GAS2: variants seen among roughly 807,000 people sequenced by gnomAD.
The protein encoded by GAS2 is growth arrest-specific protein 2.
Under a neutral mutation model 37.5 loss-of-function variants are expected in GAS2, and 20 were observed. The ratio of observed to expected loss-of-function variants is 0.53; its 90% CI spans 0.37 to 0.77. GAS2 has a LOEUF of 0.77. Ranked by LOEUF, GAS2 falls within the 30% of genes least tolerant of loss-of-function variation. The pLI, the probability that GAS2 is intolerant of heterozygous loss-of-function variation, is 0.00. For synonymous variants in GAS2, 144 were observed against 132.2 expected, an observed-to-expected ratio of 1.09 and a Z score of -0.61; for missense variants, 336 against 373.4, an observed-to-expected ratio of 0.90 and a Z score of 0.82.
chr11:22,647,934 C>T (rs1253127882), intron 1 of GAS2, among the ~76,000 whole-genome samples: 1 of 152,086 alleles, frequency 6.6e-6, no homozygotes, highest in African/African-American at 2.4e-5. Context: ...TTAATTAGAT[C>T]CCATTTGTCA....
chr11:22,724,741 A>T lies in GAS2; in HGVS notation c.268-1551A>T, dbSNP rs145001308. Among the ~76,000 whole-genome samples the T allele has an allele frequency of 3.3e-3, 506 of 152,194 alleles. 2 individuals are homozygous for T. The highest frequency in any genetic ancestry group is 0.011 in the African/African-American group (443 of 41,548). ...CTTTGATTATATCTATCCTAAATCA[A>T]ATTCGAGTTGCAACAAAGAGATGGA... On this transcript the variant is annotated intron_variant, in intron 3 of 7. Coordinates refer to ENST00000454584, the MANE Select transcript of GAS2 (RefSeq NM_001143830.3).
intron 7 of GAS2, among the ~76,000 whole-genome samples, chr11:22,765,374 A>G (rs1413618836): frequency 6.6e-6 from 1 of 152,216 alleles, no homozygotes; most frequent in Non-Finnish European, 1.5e-5. Context: ...TGATTTTTCT[A>G]CAACTGAAAT....
chr11:22,684,487 T>C (rs1849844550), intron 2 of GAS2, among the ~76,000 whole-genome samples: 1 of 147,112 alleles, frequency 6.8e-6, no homozygotes, highest in African/African-American at 2.6e-5. Flanking sequence ...TCTGTAGGAC[T>C]TCTGACTAAT....
At chr11:22,722,176 G>T (rs1372647225) in intron 3 of GAS2, among the ~76,000 whole-genome samples, 1 of 151,870 alleles carries the variant, frequency 6.6e-6, no homozygotes, top group East Asian at 1.9e-4. Context: ...GCCTTTAGAG[G>T]AAAATTTAAT....
At chr11:22,811,744 A>G (rs1857179856) in intron 7 of GAS2, 54 bp from the exon 8 acceptor site, 1 of 1,519,830 alleles carries the variant, frequency 6.6e-7, no homozygotes, top group East Asian at 2.3e-5. Context: ...GGGTTGATTC[A>G]AGGTACTGTA....
At chr11:22,726,740 A>G (rs1045015652) in intron 4 of GAS2, among the ~76,000 whole-genome samples, 2 of 152,076 alleles carry the variant, frequency 1.3e-5, no homozygotes, top group Non-Finnish European at 2.9e-5. Context: ...GGATATTTGG[A>G]AAACAGAGGA....
chr11:22,755,700 G>T (rs1458981048), intron 6 of GAS2, 146 bp from the exon 7 acceptor site: 1 of 578,704 alleles, frequency 1.7e-6, no homozygotes, highest in Non-Finnish European at 3.1e-6. Context: ...ATGATTTAAT[G>T]TGATATTCCT....
At chr11:22,782,894 G>A (rs1363076300) in intron 7 of GAS2, among the ~76,000 whole-genome samples, 1 of 151,124 alleles carries the variant, frequency 6.6e-6, no homozygotes, top group Non-Finnish European at 1.5e-5. Flanking sequence ...TGTGAATAGT[G>A]CTGCAATGAA....
intron 6 of GAS2, among the ~76,000 whole-genome samples, chr11:22,755,041 G>A (rs1004174527): frequency 2.6e-5 from 4 of 152,176 alleles, no homozygotes; most frequent in East Asian, 1.9e-4. Context: ...CCCCATCAGG[G>A]AAAACATAAA....
chr11:22,629,463 C>T (rs538551189), intron 1 of GAS2, among the ~76,000 whole-genome samples: 105 of 152,262 alleles, frequency 6.9e-4, no homozygotes, highest in Non-Finnish European at 1.3e-3. Flanking sequence ...TCCATGCCAA[C>T]ATCTATTGTT....
At chr11:22,769,829 A>G (rs1854882800) in intron 7 of GAS2, among the ~76,000 whole-genome samples, 1 of 152,218 alleles carries the variant, frequency 6.6e-6, no homozygotes, top group Non-Finnish European at 1.5e-5. Flanking sequence ...TTTTAATTAC[A>G]ACCAAAGAAA....
chr11:22,692,171 C>T (rs115371512), intron 3 of GAS2, among the ~76,000 whole-genome samples: 2,891 of 152,020 alleles, frequency 0.019, 82 homozygotes, highest in East Asian at 0.063. Flanking sequence ...GGTGGGGGAG[C>T]GGAAAGCAGC....
intron 7 of GAS2, among the ~76,000 whole-genome samples, chr11:22,790,197 C>T (rs1856075352): frequency 6.6e-6 from 1 of 152,142 alleles, no homozygotes; most frequent in South Asian, 2.1e-4. Flanking sequence ...GTAATTGGAA[C>T]ACTGAGAGAA....
At chr11:22,726,764 C>T (rs1852236277) in intron 4 of GAS2, among the ~76,000 whole-genome samples, 1 of 151,956 alleles carries the variant, frequency 6.6e-6, no homozygotes. Context: ...AATTTTACCC[C>T]CAGGCTTTGA....
intron 7 of GAS2, among the ~76,000 whole-genome samples, chr11:22,784,732 A>G (rs1455423978): frequency 3.9e-5 from 6 of 152,120 alleles, no homozygotes; most frequent in Non-Finnish European, 7.4e-5. Context: ...AGTCCTACAA[A>G]TATGTTCTCA....
At chr11:22,724,897 A>G (rs1339424769) in intron 3 of GAS2, among the ~76,000 whole-genome samples, 2 of 152,062 alleles carry the variant, frequency 1.3e-5, no homozygotes, top group African/African-American at 2.4e-5. Context: ...GCAGGACTTC[A>G]CCAATCCACC....
chr11:22,763,710 A>G, intron 7 of GAS2, among the ~76,000 whole-genome samples: 1 of 152,040 alleles, frequency 6.6e-6, no homozygotes, highest in Admixed American at 6.6e-5. Context: ...TTTTAAAATT[A>G]TATTAATGCC....
At chr11:22,774,015 C>CA (rs1855123856) in intron 7 of GAS2, among the ~76,000 whole-genome samples, 1 of 152,084 alleles carries the variant, frequency 6.6e-6, no homozygotes, top group Non-Finnish European at 1.5e-5. Flanking sequence ...TATTTTGAAA[C>CA]AGAGTTTCGC....
intron 3 of GAS2, among the ~76,000 whole-genome samples, chr11:22,697,381 T>G (rs886215219): frequency 1.3e-5 from 2 of 152,174 alleles, no homozygotes; most frequent in Admixed American, 6.5e-5. Flanking sequence ...GTAGCATGAT[T>G]CCTCCAGCTT....
Sources: allele counts gnomAD v4.1 joint callset (sites outside exome capture counted in the v4.1 genomes callset), GRCh38; gene constraint gnomAD v4.1.1; transcripts MANE v1.5; gene names NCBI Gene and HGNC (gene_info 2026-07-23, HGNC 2026-07-21).